The following RHO variants were observed in gnomAD, a reference collection of about 807,000 sequenced individuals.
The protein encoded by RHO is opsin 2, rod pigment.
A neutral mutation model predicts 31.2 loss-of-function variants in RHO; 21 were observed. The ratio of observed to expected loss-of-function variants is 0.67; its 90% CI spans 0.48 to 0.97. The LOEUF is 0.97. RHO is among the 50% of genes least tolerant of loss of function. The pLI, the probability that RHO is intolerant of heterozygous loss-of-function variation, is 0.00. For missense variants in RHO, 414 were observed against 479.5 expected (o/e 0.86, Z 1.28); for synonymous variants, 211 against 196.6 (o/e 1.07, Z -0.61).
Position 129,529,977 on chromosome 3 carries a change from T to C in RHO, c.361+883T>C, listed in dbSNP as rs2108749604. On this transcript the variant is annotated intron_variant, in intron 1 of 4. Transcript: ENST00000296271. ...ACGCTAGAAGCAGCCATTGCAAAGC[T>C]GGGTGACGGGGAGAGCTTACCGCCA... Among the ~76,000 whole-genome samples the C allele has an allele frequency of 2.0e-5, 3 of 152,268 alleles. No individual in the cohort carries two copies. In the South Asian group the frequency reaches 6.2e-4, roughly 32 times the overall value.
At position 129,533,665 on chromosome 3, in the gene RHO, G is replaced by A; in HGVS notation, c.994G>A (p.Glu332Lys). 4 of 1,614,110 alleles carry A rather than the reference G, an allele frequency of 2.5e-6. 1 individual carries two copies. ...CCGKNPLGDD[E>K]ASATVSKTET... Reference sequence around the variant, plus strand: ...CGGCAAGAACCCACTGGGTGACGATGAGGCCTCTGCTACCGTGTCCAAGAC... The same window carrying A: ...CGGCAAGAACCCACTGGGTGACGATAAGGCCTCTGCTACCGTGTCCAAGAC... The change falls in exon 5 of 5, where the codon GAG becomes AAG. Residue 332 changes from glutamate to lysine, a missense_variant. Transcript: ENST00000296271.
intron 1 of RHO, among the ~76,000 whole-genome samples, chr3:129,530,510 C>T (rs2084770497): frequency 7.9e-6 from 1 of 126,106 alleles, no homozygotes; most frequent in Non-Finnish European, 1.5e-5. Flanking sequence ...CTGCTAAACA[C>T]ACACACACAC....
At chr3:129,529,201 G>A (rs775095233) in intron 1 of RHO, 107 bp downstream of exon 1, 11 of 1,372,836 alleles carry the variant, frequency 8.0e-6, no homozygotes, top group Non-Finnish European at 9.9e-6. Flanking sequence ...CCCTTCTCCT[G>A]TCCTGTCAAT....
rs1287941897 is a variant in RHO, at chr3:129,528,863, A to G, written c.130A>G (p.Met44Val). ...PWQFSMLAAYMFLLIVLGFPI... is the reference protein window; with the variant it reads ...PWQFSMLAAYVFLLIVLGFPI... Reference sequence around the variant, plus strand: ...GCAGTTCTCCATGCTGGCCGCCTACATGTTTCTGCTGATCGTGCTGGGCTT... The same window carrying G: ...GCAGTTCTCCATGCTGGCCGCCTACGTGTTTCTGCTGATCGTGCTGGGCTT... Residue 44 changes from methionine to valine, a missense_variant, in exon 1 of 5, where the codon ATG becomes GTG. Transcript: ENST00000296271. The G allele has an allele frequency of 3.1e-6, 5 of 1,614,068 alleles. No individual in the cohort carries two copies. The highest frequency in any genetic ancestry group is 2.5e-6 in the Non-Finnish European group (3 of 1,180,044).
Position 129,532,511 on chromosome 3 carries a change from A to G in RHO, c.697-22A>G. 2 of 1,613,640 alleles carry G rather than the reference A, an allele frequency of 1.2e-6. No individual in the cohort carries two copies. Among genetic ancestry groups the G allele is most frequent in the Non-Finnish European group, 1.7e-6 (2 of 1,179,976 alleles). ...GCTCCCTGGAGGAGCCATGGTCTGGACCCGGGTCCCGTGTCCTGCAGGCCG... is the reference window on the plus strand; with the variant it reads ...GCTCCCTGGAGGAGCCATGGTCTGGGCCCGGGTCCCGTGTCCTGCAGGCCG... On this transcript the variant is annotated intron_variant, in intron 3 of 4. Transcript: ENST00000296271. This position sits in a 1 kb window ranked among gnomAD's most constrained non-coding sequence, Gnocchi z 5.5.
intron 4 of RHO, 51 bp from the exon 5 acceptor site, chr3:129,533,557 C>T: frequency 7.2e-7 from 1 of 1,384,614 alleles, no homozygotes. Flanking sequence ...GTGCCAGTTC[C>T]AAGCACACTG....
At position 129,535,171 on chromosome 3, in the gene RHO, G is replaced by A. The variant is rs986525709; in HGVS notation, c.*1453G>A. 2.0e-5 allele frequency: 3 copies of A among 152,622 alleles called. No homozygotes were observed. The highest frequency in any genetic ancestry group is 4.8e-5 in the African/African-American group (2 of 41,438). The allele number at this position is 152,622 out of a possible 1,614,324, so 9.5% of individuals were successfully genotyped here. A position where few individuals can be genotyped will look rare whatever the true frequency, so the allele number is the denominator to read the frequency against. ...GCTCAGCTCCTATGTTGGTATTAAC[G>A]GTGGTGGGTTTTGTTGCTTTCACAC... is the stretch of plus-strand genomic sequence containing the variant. On this transcript the variant is annotated 3_prime_UTR_variant, in exon 5 of 5. Transcript: ENST00000296271.
Position 129,532,212 on chromosome 3 carries a change from T to A in RHO, c.531-39T>A. 1 of 1,593,716 alleles carries A rather than the reference T, an allele frequency of 6.3e-7. No individual in the cohort carries two copies. Among genetic ancestry groups the A allele is most frequent in the African/African-American group, 1.3e-5 (1 of 74,512 alleles). On this transcript the variant is annotated intron_variant, in intron 2 of 4. Transcript: ENST00000296271. This position sits in a 1 kb window ranked among gnomAD's most constrained non-coding sequence, Gnocchi z 5.5. ...GGCAGCCACCTTGGCTGTTCCCAAG[T>A]CCCTCACAGGCAGGGTCTCCCTACC...
In RHO at chr3:129,534,112, G is replaced by A; in HGVS notation, c.*394G>A. On this transcript the variant is annotated 3_prime_UTR_variant, in exon 5 of 5. Coordinates refer to ENST00000296271, the MANE Select transcript of RHO (RefSeq NM_000539.3). ...ATGCTGGATGGATGCAGGAAGGAAT[G>A]GAGGAATGAATGGGAAGGGAGAACA... is the stretch of plus-strand genomic sequence containing the variant. 1 of 198,462 alleles carries A rather than the reference G, an allele frequency of 5.0e-6. No homozygotes were observed. Among genetic ancestry groups the A allele is most frequent in the Non-Finnish European group, 1.1e-5 (1 of 93,606 alleles). The allele number at this position is 198,462 out of a possible 1,614,324, so 12.3% of individuals were successfully genotyped here.
At position 129,532,836 on chromosome 3, in the gene RHO, G is replaced by C; in HGVS notation, c.936+64G>C. 1.9e-6 allele frequency: 3 copies of C among 1,606,666 alleles called. No homozygotes were observed. Among genetic ancestry groups the C allele is most frequent in the South Asian group, 1.1e-5 (1 of 90,874 alleles). ...CACAGGCGCTGCCTGCCAAGGACAAGCTACTTCCCAGGGCAGGGGAGGGGG... is the reference window on the plus strand; with the variant it reads ...CACAGGCGCTGCCTGCCAAGGACAACCTACTTCCCAGGGCAGGGGAGGGGG... On this transcript the variant is annotated intron_variant, in intron 4 of 4. Coordinates refer to ENST00000296271, the MANE Select transcript of RHO (RefSeq NM_000539.3). This position sits in a 1 kb window ranked among gnomAD's most constrained non-coding sequence, Gnocchi z 5.5.
chr3:129,534,280 A>C lies in RHO; in HGVS notation c.*562A>C, dbSNP rs1299462326. ...TCCCTGGTCCTGCCGACACGCAGCT[A>C]CTGAGAAGACCAAAAGAGGTGTGTG... On this transcript the variant is annotated 3_prime_UTR_variant, in exon 5 of 5. Coordinates refer to ENST00000296271, the MANE Select transcript of RHO (RefSeq NM_000539.3). The C allele has an allele frequency of 1.3e-5, 2 of 159,088 alleles. No homozygotes were observed. Among genetic ancestry groups the C allele is most frequent in the Non-Finnish European group, 2.8e-5 (2 of 71,584 alleles). The allele number at this position is 159,088 out of a possible 1,614,324, so 9.9% of individuals were successfully genotyped here. A position where few individuals can be genotyped will look rare whatever the true frequency, so the allele number is the denominator to read the frequency against.
intron 1 of RHO, among the ~76,000 whole-genome samples, chr3:129,529,863 G>A (rs2084765407): frequency 6.6e-6 from 1 of 152,228 alleles, no homozygotes; most frequent in Admixed American, 6.5e-5. Context: ...GAGGGGAAGA[G>A]ACTCATTTAG....
At chr3:129,533,131 A>T (rs191009602) in intron 4 of RHO, among the ~76,000 whole-genome samples, 1 of 152,150 alleles carries the variant, frequency 6.6e-6, no homozygotes, top group African/African-American at 2.4e-5. Flanking sequence ...ATAAGGAGCT[A>T]AAAAGTCTTA....
chr3:129,532,917 T>A lies in RHO; in HGVS notation c.936+145T>A. 1.8e-6 allele frequency: 2 copies of A among 1,117,234 alleles called. No individual in the cohort carries two copies. Among genetic ancestry groups the A allele is most frequent in the Non-Finnish European group, 2.6e-6 (2 of 760,132 alleles). 69.2% of individuals were successfully genotyped at this position (1,117,234 alleles called of 1,614,324 possible). A position where few individuals can be genotyped will look rare whatever the true frequency, so the allele number is the denominator to read the frequency against. Reference sequence around the variant, plus strand: ...GTCAGCAGTCCCAATGGGGAGTGTGTGAGAAATGCAGATTCCTGGCCCCAC... The same window carrying A: ...GTCAGCAGTCCCAATGGGGAGTGTGAGAGAAATGCAGATTCCTGGCCCCAC... On this transcript the variant is annotated intron_variant, in intron 4 of 4. Transcript: ENST00000296271. This position sits in a 1 kb window ranked among gnomAD's most constrained non-coding sequence, Gnocchi z 5.5.
chr3:129,532,389 T>C lies in RHO; in HGVS notation c.669T>C (p.Tyr223=). 1 of 1,613,866 alleles carries C rather than the reference T, an allele frequency of 6.2e-7. No individual in the cohort carries two copies. The highest frequency in any genetic ancestry group is 8.5e-7 in the Non-Finnish European group (1 of 1,179,976). The part of the protein sequence containing the change: ...TIPMIIIFFC[Y]GQLVFTVKEA... ...CCATGATTATCATCTTTTTCTGCTATGGGCAGCTCGTCTTCACCGTCAAGG... is the reference window on the plus strand; with the variant it reads ...CCATGATTATCATCTTTTTCTGCTACGGGCAGCTCGTCTTCACCGTCAAGG... Residue 223 remains tyrosine (Y), a synonymous_variant, in exon 3 of 5, where the codon TAT becomes TAC. Transcript: ENST00000296271. This position sits in a 1 kb window ranked among gnomAD's most constrained non-coding sequence, Gnocchi z 5.5.
At position 129,533,646 on chromosome 3, in the gene RHO, G is replaced by A; in HGVS notation, c.975G>A (p.Lys325=). ...TGCTCACCACCATCTGCTGCGGCAA[G>A]AACCCACTGGGTGACGATGAGGCCT... is the stretch of plus-strand genomic sequence containing the variant. ...NCMLTTICCG[K]NPLGDDEASA... The change falls in exon 5 of 5, where the codon AAG becomes AAA. Residue 325 remains lysine, a synonymous_variant. Coordinates refer to ENST00000296271, the MANE Select transcript of RHO (RefSeq NM_000539.3). The A allele has an allele frequency of 1.9e-6, 3 of 1,614,142 alleles. No individual in the cohort carries two copies. The highest frequency in any genetic ancestry group is 1.7e-6 in the Non-Finnish European group (2 of 1,180,028).
At chr3:129,531,870 C>G (rs1456881458) in intron 2 of RHO, among the ~76,000 whole-genome samples, 1 of 152,192 alleles carries the variant, frequency 6.6e-6, no homozygotes, top group East Asian at 1.9e-4. Context: ...AATACTCTCA[C>G]CCTGGGGCTA....
rs976185389 is a variant in RHO, at chr3:129,532,177, G to A, written c.531-74G>A. The A allele has an allele frequency of 2.4e-6, 3 of 1,242,054 alleles. No homozygotes were observed. The highest frequency in any genetic ancestry group is 3.0e-5 in the African/African-American group (2 of 67,532). 76.9% of individuals were successfully genotyped at this position (1,242,054 alleles called of 1,614,324 possible). On this transcript the variant is annotated intron_variant, in intron 2 of 4. Coordinates refer to ENST00000296271, the MANE Select transcript of RHO (RefSeq NM_000539.3). This position sits in a 1 kb window ranked among gnomAD's most constrained non-coding sequence, Gnocchi z 5.5. ...GAGGGAATGTGAAGCCCCAGAAAGG[G>A]CCAGCGCTCGGCAGCCACCTTGGCT...
Position 129,532,415 on chromosome 3 carries a change from AG to A in RHO, c.696+1del. The A allele has an allele frequency of 6.2e-7, 1 of 1,613,144 alleles. No individual in the cohort carries two copies. Among genetic ancestry groups the A allele is most frequent in the Non-Finnish European group, 8.5e-7 (1 of 1,179,872 alleles). On this transcript the variant is annotated frameshift_variant and splice_region_variant, in exon 3 of 5. Transcript: ENST00000296271. LOFTEE classifies it high-confidence loss of function. The surrounding 1 kb of genome is among the most constrained non-coding windows in gnomAD (Gnocchi z 5.5). ...CYGQLVFTVK[E>X]AAAQQQESAT... ...GGGCAGCTCGTCTTCACCGTCAAGG[AG>A]GTACGGGCCGGGGGGTGGGCGGCCT...
Sources: allele counts gnomAD v4.1 joint callset (sites outside exome capture counted in the v4.1 genomes callset), GRCh38; gene constraint gnomAD v4.1.1; non-coding constraint Gnocchi (gnomAD v3.1); transcripts MANE v1.5; gene names NCBI Gene and HGNC (gene_info 2026-07-23, HGNC 2026-07-21).